NBPF12: variants seen among roughly 807,000 people sequenced by gnomAD.
NBPF12 encodes NBPF family member NBPF12.
Under a neutral mutation model 146.4 loss-of-function variants are expected in NBPF12, and 115 were observed. That is an observed-to-expected ratio of 0.79 (90% CI 0.68 to 0.92). The LOEUF is 0.92. Ranked by LOEUF, NBPF12 falls within the 40% of genes least tolerant of loss-of-function variation. NBPF12 has a pLI of 0.00. For synonymous variants in NBPF12, 385 were observed against 508.9 expected (o/e 0.76, Z 3.28); for missense variants, 1,205 against 1,326.8 (o/e 0.91, Z 1.43).
intron 6 of NBPF12, 107 bp downstream of exon 9, chr1:146,963,416 A>G: frequency 6.2e-7 from 1 of 1,601,586 alleles, no homozygotes; most frequent in Non-Finnish European, 8.5e-7. Flanking sequence ...TTTTTCTACT[A>G]CACATATGTG....
upstream of NBPF12, among the ~76,000 whole-genome samples, chr1:146,945,010 TCCTC>T (rs1476495925): frequency 0.35 from 6,241 of 17,828 alleles, 672 homozygotes; most frequent in East Asian, 0.54. Context: ...CTCCCTTCCT[TCCTC>T]CCTCCCTCCC....
Position 146,963,423 on chromosome 1 carries a change from T to C in NBPF12, c.493+114T>C, listed in dbSNP as rs1160991491. The C allele has an allele frequency of 5.6e-6, 9 of 1,598,172 alleles. No homozygotes were observed. The African/African-American group carries it at 1.2e-4, about 21-fold the overall frequency. On this transcript the variant is annotated intron_variant, in intron 6 of 33. Transcript: ENST00000617844. ...GTGGGGTTTTTTTCTACTACACATA[T>C]GTGGCCATGACATGATCAGGACTTC...
intron 30 of NBPF12, among the ~76,000 whole-genome samples, chr1:146,991,555 A>G (rs1443082722): frequency 6.6e-6 from 1 of 152,268 alleles, no homozygotes; most frequent in South Asian, 2.1e-4. Flanking sequence ...AGATGTAAAA[A>G]ATTCACAGAA....
chr1:146,976,570 A>G (rs1657041934), intron 16 of NBPF12, among the ~76,000 whole-genome samples: 1 of 144,486 alleles, frequency 6.9e-6, no homozygotes, highest in African/African-American at 2.7e-5. Context: ...AGAAAGAATT[A>G]GGTTTGAAAT....
intron 1 of NBPF12, among the ~76,000 whole-genome samples, chr1:146,943,024 C>T (rs1391172058): frequency 2.2e-5 from 3 of 136,872 alleles, no homozygotes; most frequent in Non-Finnish European, 4.7e-5. Flanking sequence ...CTCAGCCTCC[C>T]GAGTAGCTGA....
chr1:146,949,937 G>C (rs1282928559), intron 1 of NBPF12, among the ~76,000 whole-genome samples: 2 of 151,722 alleles, frequency 1.3e-5, no homozygotes. Context: ...ACAAAGCTCT[G>C]TCATGTGTGG....
At chr1:146,964,480 T>G in intron 7 of NBPF12, 51 bp downstream of exon 10, 1 of 1,592,196 alleles carries the variant, frequency 6.3e-7, no homozygotes, top group African/African-American at 1.3e-5. Flanking sequence ...TATGAAAATG[T>G]CTAGAAGGCA....
Position 146,951,507 on chromosome 1 carries a change from G to C in NBPF12, c.-184+18G>C. 5.0e-6 allele frequency: 3 copies of C among 599,738 alleles called. No homozygotes were observed. The highest frequency in any genetic ancestry group is 5.9e-6 in the Non-Finnish European group (2 of 341,302). The allele number at this position is 599,738 out of a possible 1,614,324, so 37.2% of individuals were successfully genotyped here. On this transcript the variant is annotated intron_variant, in intron 2 of 33. Transcript: ENST00000617844. ...GGATCAAGGTGCGTACTCAAACACA[G>C]AGAGCTTTCTGAAAGATGCTACCAG... is the stretch of plus-strand genomic sequence containing the variant.
chr1:146,962,557 C>A (rs1367187691), intron 5 of NBPF12, among the ~76,000 whole-genome samples: 34 of 151,650 alleles, frequency 2.2e-4, no homozygotes, highest in Admixed American at 6.6e-4. Flanking sequence ...ATTCAGTATA[C>A]TCAAAATGGT....
chr1:146,994,808 G>T lies in NBPF12; in HGVS notation c.*233G>T, dbSNP rs1266926270. The stretch of plus-strand genomic sequence containing the variant: ...TAACTGTGCAGCACATGCCGGGAGT[G>T]ATCAGCCGGACATTTTAATTTGAAC... On this transcript the variant is annotated 3_prime_UTR_variant, in exon 34 of 34. Coordinates refer to ENST00000617844, the Ensembl canonical transcript of NBPF12. 4 of 794,074 alleles carry T rather than the reference G, an allele frequency of 5.0e-6. No individual in the cohort carries two copies. The Admixed American group carries it at 9.2e-5, about 18-fold the overall frequency. 49.2% of individuals were successfully genotyped at this position (794,074 alleles called of 1,614,324 possible).
At chr1:146,978,244 G>C (rs1189300492) in intron 18 of NBPF12, among the ~76,000 whole-genome samples, 4,279 of 124,908 alleles carry the variant, frequency 0.034, 153 homozygotes, top group African/African-American at 0.13. Context: ...TCCAATGTTT[G>C]TTTGTAGCGT....
chr1:146,977,829 A>T (rs1406143982), intron 18 of NBPF12, among the ~76,000 whole-genome samples, 158 bp downstream of exon 21: 1 of 151,998 alleles, frequency 6.6e-6, no homozygotes, highest in African/African-American at 2.4e-5. Flanking sequence ...AGCTAATGTC[A>T]TGCCTTTGTC....
Position 146,960,088 on chromosome 1 carries a change from GT to G in NBPF12, c.-35-18del, listed in dbSNP as rs1655762777. The stretch of plus-strand genomic sequence containing the variant: ...TTCACCAGTTTTTAACCCATCATAT[GT>G]TTGGGTTTCTTCTCCCCAGTCCCTG... On this transcript the variant is annotated intron_variant, in intron 3 of 33. Transcript: ENST00000617844. 1 of 527,436 alleles carries G rather than the reference GT, an allele frequency of 1.9e-6. No individual in the cohort carries two copies. Among genetic ancestry groups the G allele is most frequent in the Admixed American group, 4.0e-5 (1 of 24,864 alleles). 32.7% of individuals were successfully genotyped at this position (527,436 alleles called of 1,614,324 possible). A position where few individuals can be genotyped will look rare whatever the true frequency, so the allele number is the denominator to read the frequency against.
chr1:146,952,479 C>T (rs1388079641), intron 2 of NBPF12, among the ~76,000 whole-genome samples: 6 of 151,746 alleles, frequency 4.0e-5, no homozygotes, highest in Non-Finnish European at 7.4e-5. Flanking sequence ...AATAAACTGG[C>T]CCTTTATAAT....
intron 6 of NBPF12, 119 bp downstream of exon 9, chr1:146,963,428 C>T (rs1252794541): frequency 4.5e-5 from 71 of 1,592,498 alleles, no homozygotes; most frequent in Admixed American, 1.6e-4. Flanking sequence ...ACATATGTGG[C>T]CATGACATGA....
chr1:146,953,954 A>G (rs1456099650), intron 2 of NBPF12, among the ~76,000 whole-genome samples: 3 of 150,870 alleles, frequency 2.0e-5, no homozygotes, highest in Non-Finnish European at 4.4e-5. Context: ...AGAACTAATC[A>G]GTGAGTTTGG....
chr1:146,991,511 A>G (rs1297308651), intron 30 of NBPF12, among the ~76,000 whole-genome samples: 108 of 150,696 alleles, frequency 7.2e-4, no homozygotes, highest in African/African-American at 2.6e-3. Flanking sequence ...GCCTGTGGCA[A>G]CCTGAGCCCA....
intron 2 of NBPF12, among the ~76,000 whole-genome samples, chr1:146,958,127 T>C (rs1305425535): frequency 1.7e-5 from 2 of 117,344 alleles, no homozygotes; most frequent in African/African-American, 5.6e-5. Flanking sequence ...CCTAATGCTA[T>C]CCCTCCCCCA....
chr1:146,972,990 G>A (rs1553886834), intron 14 of NBPF12, 30 bp downstream of exon 17: 3 of 900,360 alleles, frequency 3.3e-6, no homozygotes, highest in South Asian at 2.6e-5. Flanking sequence ...CATCATGAAA[G>A]TGATGAACGA....
Sources: allele counts gnomAD v4.1 joint callset (sites outside exome capture counted in the v4.1 genomes callset), GRCh38; gene constraint gnomAD v4.1.1; transcripts MANE v1.5; gene names NCBI Gene and HGNC (gene_info 2026-07-23, HGNC 2026-07-21).